The following SMCHD1 variants were observed in gnomAD, a reference collection of about 807,000 sequenced individuals.
The protein encoded by SMCHD1 is structural maintenance of chromosomes flexible hinge domain containing 1, also known as structural maintenance of chromosomes flexible hinge domain-containing protein 1.
Under a neutral mutation model 254.7 loss-of-function variants are expected in SMCHD1, and 78 were observed. The ratio of observed to expected loss-of-function variants is 0.31; its 90% CI spans 0.26 to 0.37. The LOEUF (loss-of-function observed/expected upper bound fraction) is 0.37, where lower values mean the gene tolerates loss of function less well. Among genes scored for constraint, SMCHD1 ranks in the 10% least tolerant of loss-of-function variants. The pLI, the probability that SMCHD1 is intolerant of heterozygous loss-of-function variation, is 1.00. For synonymous variants in SMCHD1, 766 were observed against 794.9 expected (o/e 0.96, Z 0.61); for missense variants, 1,840 against 2,408.1 (o/e 0.76, Z 4.94).
rs138629787 is a variant in SMCHD1 at position 2,780,323 on chromosome 18, T to C, written c.5547+2084T>C. On this transcript the variant is annotated intron_variant, in intron 44 of 47. Transcript: ENST00000320876. ...ACTAAATTACTGGGATTTTGAGCATTATATAGCTAATTGGAAAATGGTATT... is the reference window on the plus strand; with the variant it reads ...ACTAAATTACTGGGATTTTGAGCATCATATAGCTAATTGGAAAATGGTATT... Among the ~76,000 whole-genome samples the C allele has an allele frequency of 7.1e-4, 107 of 151,658 alleles. 2 individuals are homozygous for C. In the East Asian group the frequency reaches 0.019, roughly 27 times the overall value.
At chr18:2,744,421 CTGTT>C (rs2075408829) in intron 29 of SMCHD1, among the ~76,000 whole-genome samples, 1 of 151,144 alleles carries the variant, frequency 6.6e-6, no homozygotes, top group Non-Finnish European at 1.5e-5. Flanking sequence ...TCTGTCAAAT[CTGTT>C]TTTTTTTTTT....
At chr18:2,780,084 C>T (rs753569827) in intron 44 of SMCHD1, among the ~76,000 whole-genome samples, 3 of 151,416 alleles carry the variant, frequency 2.0e-5, no homozygotes, top group Non-Finnish European at 4.4e-5. Context: ...ACTAAAAATA[C>T]AAAAATTAGC....
At chr18:2,715,450 T>TTAA (rs56855019) in intron 17 of SMCHD1, among the ~76,000 whole-genome samples, 1 of 152,126 alleles carries the variant, frequency 6.6e-6, no homozygotes, top group African/African-American at 2.4e-5. Flanking sequence ...AGTTCTTTTT[T>TTAA]AAAAAAACAA....
intron 3 of SMCHD1, among the ~76,000 whole-genome samples, chr18:2,667,704 C>CTT (rs989988750): frequency 2.0e-5 from 3 of 152,058 alleles, no homozygotes; most frequent in Non-Finnish European, 4.4e-5. Flanking sequence ...ACCACTAACA[C>CTT]TTTGGTGTTT....
chr18:2,688,207 C>T (rs1364526205), intron 5 of SMCHD1, among the ~76,000 whole-genome samples, 187 bp from the exon 6 acceptor site: 1 of 152,228 alleles, frequency 6.6e-6, no homozygotes, highest in African/African-American at 2.4e-5. Context: ...AAAGCTGATG[C>T]ATCTGGCCTG....
intron 1 of SMCHD1, among the ~76,000 whole-genome samples, chr18:2,663,917 G>A (rs991608065): frequency 2.0e-5 from 3 of 151,932 alleles, no homozygotes; most frequent in East Asian, 1.9e-4. Flanking sequence ...GGGTTTCACC[G>A]TGTTAGCCAG....
intron 5 of SMCHD1, among the ~76,000 whole-genome samples, chr18:2,675,631 A>G (rs2073729874): frequency 6.6e-6 from 1 of 152,200 alleles, no homozygotes; most frequent in Non-Finnish European, 1.5e-5. Flanking sequence ...ATTTATAAAA[A>G]GCCAGGGAGA....
At chr18:2,656,349 A>G (rs2073056183) in intron 1 of SMCHD1, 88 bp downstream of exon 1, 1 of 1,206,640 alleles carries the variant, frequency 8.3e-7, no homozygotes, top group African/African-American at 1.6e-5. Flanking sequence ...GAGGGCAATA[A>G]ACCTGTCACC....
chr18:2,737,142 T>C (rs2075266707), intron 25 of SMCHD1, among the ~76,000 whole-genome samples: 1 of 152,144 alleles, frequency 6.6e-6, no homozygotes, highest in African/African-American at 2.4e-5. Flanking sequence ...AAATACTGAA[T>C]GGTCTCACTT....
chr18:2,751,756 T>G (rs1331246833), intron 33 of SMCHD1, among the ~76,000 whole-genome samples: 1 of 151,854 alleles, frequency 6.6e-6, no homozygotes, highest in African/African-American at 2.4e-5. Flanking sequence ...GAGTGGAGAG[T>G]TAGAGGGTCT....
intron 1 of SMCHD1, among the ~76,000 whole-genome samples, chr18:2,661,109 A>G (rs1468860792): frequency 6.6e-6 from 1 of 152,222 alleles, no homozygotes; most frequent in African/African-American, 2.4e-5. Context: ...GTTCTCACTC[A>G]TAAGTGGGAG....
intron 34 of SMCHD1, among the ~76,000 whole-genome samples, chr18:2,755,692 G>A (rs1056836800): frequency 3.4e-5 from 5 of 149,046 alleles, no homozygotes; most frequent in African/African-American, 4.9e-5. Flanking sequence ...CTCAGCCTCC[G>A]GAGTAGCTGG....
chr18:2,746,469 T>G (rs1598397978), intron 29 of SMCHD1, among the ~76,000 whole-genome samples: 1 of 152,216 alleles, frequency 6.6e-6, no homozygotes, highest in African/African-American at 2.4e-5. Flanking sequence ...ATTTGGAAAC[T>G]CAGCAGTTTT....
At chr18:2,658,836 A>G (rs865876770) in intron 1 of SMCHD1, among the ~76,000 whole-genome samples, 10 of 151,124 alleles carry the variant, frequency 6.6e-5, no homozygotes, top group African/African-American at 1.9e-4. Context: ...GTGTGTGTGT[A>G]TATATATGTA....
At chr18:2,695,309 AT>A (rs35253416) in intron 8 of SMCHD1, among the ~76,000 whole-genome samples, 19,881 of 140,572 alleles carry the variant, frequency 0.14, 2,884 homozygotes, top group African/African-American at 0.4. Flanking sequence ...CTAAAAAAAA[AT>A]TTTTTTTTTT....
chr18:2,667,289 C>T (rs1308920145), intron 3 of SMCHD1, among the ~76,000 whole-genome samples: 2 of 152,194 alleles, frequency 1.3e-5, no homozygotes, highest in African/African-American at 4.8e-5. Flanking sequence ...TTGACCTATA[C>T]AGCTTTCCAT....
At position 2,703,793 on chromosome 18, in the gene SMCHD1, T is replaced by C; in HGVS notation, c.1749T>C (p.Ile583=). 1.2e-6 allele frequency: 2 copies of C among 1,612,724 alleles called. No individual in the cohort carries two copies. The highest frequency in any genetic ancestry group is 8.5e-7 in the Non-Finnish European group (1 of 1,178,998). ...QIKFTLFKGV[I]TRPDLPSKKQ... ...AATTTACACTTTTTAAGGGAGTAAT[T>C]ACACGTCCTGATCTTCCTTCTAAAA... Residue 583 remains isoleucine (I), a synonymous_variant, in exon 13 of 48, where the codon ATT becomes ATC. Transcript: ENST00000320876.
chr18:2,748,371 T>C (rs1379180725), intron 30 of SMCHD1, among the ~76,000 whole-genome samples: 1 of 44,720 alleles, frequency 2.2e-5, no homozygotes, highest in African/African-American at 8.0e-5. Context: ...TGTGTGTGTG[T>C]GTGTGTGTGT....
chr18:2,716,925 T>C (rs896617890), intron 17 of SMCHD1, among the ~76,000 whole-genome samples: 2 of 152,210 alleles, frequency 1.3e-5, no homozygotes, highest in African/African-American at 2.4e-5. Context: ...CCCCTCCCAG[T>C]CTGGCTCTGC....
Sources: gnomAD v4.1 joint callset for allele counts (sites outside exome capture counted in the v4.1 genomes callset) on GRCh38, gnomAD v4.1.1 for gene constraint, MANE v1.5 for transcripts, NCBI Gene and HGNC (gene_info 2026-07-23, HGNC 2026-07-21) for gene names.